The following NEU4 variants were observed in gnomAD, a reference collection of about 807,000 sequenced individuals.
The protein encoded by NEU4 is neuraminidase 4.
In NEU4, 7 loss-of-function variants were observed where a neutral mutation model predicts 9.9. The ratio of observed to expected loss-of-function variants is 0.71; its 90% CI spans 0.40 to 1.33. The LOEUF (loss-of-function observed/expected upper bound fraction) is 1.33, where lower values mean the gene tolerates loss of function less well. NEU4 is among the 40% of genes most tolerant of loss of function. The pLI is 0.01. For missense variants in NEU4, 717 were observed against 712.6 expected, an observed-to-expected ratio of 1.01 and a Z score of -0.07; for synonymous variants, 348 against 316.9, an observed-to-expected ratio of 1.10 and a Z score of -1.04.
At chr2:241,810,716 C>A (rs1228920760) in intron 1 of NEU4, 1 of 156,694 alleles carries the variant, frequency 6.4e-6, no homozygotes, top group Non-Finnish European at 1.4e-5. Flanking sequence ...AAGGGACTGG[C>A]AGGAGTCCTG....
chr2:241,812,427 C>T (rs1700150693), intron 1 of NEU4, among the ~76,000 whole-genome samples: 1 of 72,818 alleles, frequency 1.4e-5, no homozygotes, highest in African/African-American at 3.9e-5. Flanking sequence ...AGCCAAACCC[C>T]TGGAATGTGC....
Position 241,815,045 on chromosome 2 carries a change from A to G in NEU4, c.355A>G (p.Arg119Gly), listed in dbSNP as rs1575382339. The change falls in exon 3 of 4, where the codon AGG becomes GGG. Residue 119 changes from arginine to glycine, a missense_variant. Physicochemically the swap from Arg to Gly is moderately radical, Grantham distance 125. Coordinates refer to ENST00000407683, the MANE Select transcript of NEU4 (RefSeq NM_001167600.3). ...TPEAVQIATG[R>G]NAARLCCVAS... is the part of the protein sequence containing the mutation. ...TGAGGCCGTGCAGATCGCCACGGGAAGGAACGCCGCGCGCCTCTGCTGTGT... is the reference window on the plus strand; with the variant it reads ...TGAGGCCGTGCAGATCGCCACGGGAGGGAACGCCGCGCGCCTCTGCTGTGT... 6.3e-7 allele frequency: 1 copy of G among 1,595,570 alleles called. No individual in the cohort carries two copies. The highest frequency in any genetic ancestry group is 1.7e-4 in the Middle Eastern group (1 of 6,052).
At chr2:241,814,236 G>GGAA (rs764032378) in intron 1 of NEU4, 1 of 635,722 alleles carries the variant, frequency 1.6e-6, no homozygotes, top group Non-Finnish European at 2.9e-6. Flanking sequence ...TGTTGAGAGG[G>GGAA]GAAGGGGCTG....
chr2:241,817,060 G>A lies in NEU4; in HGVS notation c.*12G>A. Reference sequence around the variant, plus strand: ...GCTGGCCCTCCTGACAGGCCTTCTGGCCGTGCCCATGCCCCTTGGGTGCCT... The same window carrying A: ...GCTGGCCCTCCTGACAGGCCTTCTGACCGTGCCCATGCCCCTTGGGTGCCT... On this transcript the variant is annotated 3_prime_UTR_variant, in exon 4 of 4. Transcript: ENST00000407683. 1 of 1,566,760 alleles carries A rather than the reference G, an allele frequency of 6.4e-7. No homozygotes were observed. Among genetic ancestry groups the A allele is most frequent in the East Asian group, 2.3e-5 (1 of 44,358 alleles).
Position 241,814,939 on chromosome 2 carries a change from G to C in NEU4, c.249G>C (p.Arg83=). ...GGACAGCAGCCCTGGCGGAGCACCGGTCCATGAACCCCTGCCCTGTGCACG... is the reference window on the plus strand; with the variant it reads ...GGACAGCAGCCCTGGCGGAGCACCGCTCCATGAACCCCTGCCCTGTGCACG... ...VLGTAALAEH[R]SMNPCPVHDA... The change falls in exon 3 of 4, where the codon CGG becomes CGC. Residue 83 remains arginine, a synonymous_variant. Coordinates refer to ENST00000407683, the MANE Select transcript of NEU4 (RefSeq NM_001167600.3). 6.2e-7 allele frequency: 1 copy of C among 1,612,122 alleles called. No individual in the cohort carries two copies. The highest frequency in any genetic ancestry group is 8.5e-7 in the Non-Finnish European group (1 of 1,179,798).
Position 241,811,354 on chromosome 2 carries a change from C to T in NEU4, c.-4+2080C>T, listed in dbSNP as rs75538511. On this transcript the variant is annotated intron_variant, in intron 1 of 3. Coordinates refer to ENST00000407683, the MANE Select transcript of NEU4 (RefSeq NM_001167600.3). ...CCAGGGTCCTGACGTAGCCCTGAGA[C>T]GTGGCCAGCTCCCTGGCCTGCTGCC... 9,912 of 1,453,322 alleles carry T rather than the reference C, an allele frequency of 6.8e-3. 54 individuals are homozygous for T. Among genetic ancestry groups the T allele is most frequent in the Non-Finnish European group, 7.7e-3 (8,365 of 1,089,102 alleles). The allele number at this position is 1,453,322 out of a possible 1,614,324, so 90.0% of individuals were successfully genotyped here.
intron 3 of NEU4, 156 bp from the exon 4 acceptor site, chr2:241,815,895 A>G: frequency 1.3e-6 from 1 of 742,318 alleles, no homozygotes. Context: ...GGGAGGACTC[A>G]GGGCGGCTGG....
chr2:241,816,065 G>A lies in NEU4; in HGVS notation c.472G>A (p.Ala158Thr), dbSNP rs138327025. 1.0e-4 allele frequency: 163 copies of A among 1,605,538 alleles called. No individual in the cohort carries two copies. Among genetic ancestry groups the A allele is most frequent in the African/African-American group, 1.6e-4 (12 of 74,712 alleles). Residue 158 changes from alanine to threonine, a missense_variant, in exon 4 of 4, where the codon GCT becomes ACT. Coordinates refer to ENST00000407683, the MANE Select transcript of NEU4 (RefSeq NM_001167600.3). ...GGAVQDWATFAVGPGHGVQLP... is the reference protein window; with the variant it reads ...GGAVQDWATFTVGPGHGVQLP... ...CCTCCCTGCAGACTGGGCCACATTC[G>A]CTGTGGGTCCCGGCCACGGTGTGCA...
intron 1 of NEU4, chr2:241,811,676 CA>C: frequency 2.5e-6 from 1 of 405,316 alleles, no homozygotes; most frequent in South Asian, 1.1e-4. Flanking sequence ...CAAGAGGTCC[CA>C]CATGCATCTC....
At chr2:241,809,599 C>T in intron 1 of NEU4, 1 of 307,268 alleles carries the variant, frequency 3.3e-6, no homozygotes, top group Non-Finnish European at 6.3e-6. Flanking sequence ...GCCCAGGGAC[C>T]TCTGAGCAGC....
chr2:241,809,466 C>T (rs897184364), intron 1 of NEU4, 192 bp downstream of exon 1: 28 of 356,724 alleles, frequency 7.8e-5, no homozygotes, highest in Non-Finnish European at 1.3e-4. Flanking sequence ...GGAGGGGGCA[C>T]GTCCCAGCCT....
chr2:241,810,256 CT>C (rs1553618387), intron 1 of NEU4, among the ~76,000 whole-genome samples: 15,732 of 152,146 alleles, frequency 0.1, 922 homozygotes, highest in African/African-American at 0.15. Flanking sequence ...GTGAAAGCCA[CT>C]TGGGGGAAGC....
rs1700205134 is a variant in NEU4, at chr2:241,813,876, G to GTGGAT, written c.-3-606_-3-605insTGGAT. The GTGGAT allele has an allele frequency of 6.6e-6, 2 of 303,874 alleles. 1 individual carries two copies. Among genetic ancestry groups the GTGGAT allele is most frequent in the African/African-American group, 4.5e-5 (2 of 44,636 alleles). 18.8% of individuals were successfully genotyped at this position (303,874 alleles called of 1,614,324 possible). The stretch of plus-strand genomic sequence containing the variant: ...CCCCGATGACGTTCAGGAAGTGGGA[G>GTGGAT]CCGATCCCCTGTCCCCAGAGAGCCC... On this transcript the variant is annotated intron_variant, in intron 1 of 3. Coordinates refer to ENST00000407683, the MANE Select transcript of NEU4 (RefSeq NM_001167600.3).
intron 1 of NEU4, chr2:241,811,008 G>A: frequency 9.6e-7 from 1 of 1,037,156 alleles, no homozygotes; most frequent in Non-Finnish European, 1.2e-6. Flanking sequence ...GTGAGGGGCT[G>A]TGCTGTGCCA....
At chr2:241,814,276 G>A in intron 1 of NEU4, 1 of 621,462 alleles carries the variant, frequency 1.6e-6, no homozygotes, top group Non-Finnish European at 2.9e-6. Context: ...TGGAGTGGGT[G>A]CGAGGGAGGG....
At chr2:241,810,458 G>A (rs1046766331) in intron 1 of NEU4, 1 of 152,198 alleles carries the variant, frequency 6.6e-6, no homozygotes, top group Non-Finnish European at 1.5e-5. Flanking sequence ...TGGAAACCAC[G>A]TGACCTACCT....
intron 1 of NEU4, among the ~76,000 whole-genome samples, chr2:241,812,189 G>C (rs1700139602): frequency 6.6e-6 from 1 of 151,310 alleles, no homozygotes; most frequent in Non-Finnish European, 1.5e-5. Flanking sequence ...GATGGGCTGT[G>C]AGGGGTTGGC....
intron 3 of NEU4, chr2:241,815,518 C>T: frequency 1.9e-6 from 1 of 516,006 alleles, no homozygotes; most frequent in South Asian, 1.5e-5. Flanking sequence ...TCTCATCCCC[C>T]CCGCTAATCT....
rs1382147317 is a variant in NEU4 at position 241,815,029 on chromosome 2, G to A, written c.339G>A (p.Val113=). Residue 113 remains valine (V), a synonymous_variant, in exon 3 of 4, where the codon GTG becomes GTA. Coordinates refer to ENST00000407683, the MANE Select transcript of NEU4 (RefSeq NM_001167600.3). ...TGCTGGGCCACACGCCTGAGGCCGTGCAGATCGCCACGGGAAGGAACGCCG... is the reference window on the plus strand; with the variant it reads ...TGCTGGGCCACACGCCTGAGGCCGTACAGATCGCCACGGGAAGGAACGCCG... The part of the protein sequence containing the change: ...IAVLGHTPEA[V]QIATGRNAAR... 4.4e-6 allele frequency: 7 copies of A among 1,601,212 alleles called. No individual in the cohort carries two copies. The highest frequency in any genetic ancestry group is 2.2e-5 in the East Asian group (1 of 44,704).
Sources: gnomAD v4.1 joint callset for allele counts (sites outside exome capture counted in the v4.1 genomes callset) on GRCh38, gnomAD v4.1.1 for gene constraint, MANE v1.5 for transcripts, NCBI Gene and HGNC (gene_info 2026-07-23, HGNC 2026-07-21) for gene names.